LCORL: variants seen among roughly 807,000 people sequenced by gnomAD.
The protein encoded by LCORL is ligand dependent nuclear receptor corepressor like, also known as ligand-dependent nuclear receptor corepressor-like protein.
In LCORL, 41 loss-of-function variants were observed where a neutral mutation model predicts 141.8. The ratio of observed to expected loss-of-function variants is 0.29; its 90% confidence interval spans 0.23 to 0.38. The LOEUF is 0.38. Ranked by LOEUF, LCORL falls within the 10% of genes least tolerant of loss-of-function variation. The pLI, the probability that LCORL is intolerant of heterozygous loss-of-function variation, is 1.00. For missense variants in LCORL, 1,759 were observed against 2,035.0 expected (o/e 0.86, Z 2.61); for synonymous variants, 618 against 694.1 (o/e 0.89, Z 1.72).
chr4:17,882,180 TAC>T (rs1192984416), intron 6 of LCORL: 1 of 984,280 alleles, frequency 1.0e-6, no homozygotes, highest in Non-Finnish European at 1.2e-6. Flanking sequence ...GATTATTAAA[TAC>T]ACACAAACAC....
chr4:17,892,209 C>CTTTTTTTTT (rs1018422638), intron 5 of LCORL, among the ~76,000 whole-genome samples: 1 of 126,506 alleles, frequency 7.9e-6, no homozygotes, highest in Admixed American at 8.0e-5. Flanking sequence ...TTTTTTTTTT[C>CTTTTTTTTT]TTTTTTTTTT....
At chr4:17,900,743 G>A (rs993101000) in intron 5 of LCORL, among the ~76,000 whole-genome samples, 1 of 152,040 alleles carries the variant, frequency 6.6e-6, no homozygotes, top group Admixed American at 6.6e-5. Context: ...ATATTACACA[G>A]AAACAAAGAG....
At chr4:17,988,932 C>T (rs575011187) in intron 1 of LCORL, among the ~76,000 whole-genome samples, 107 of 152,232 alleles carry the variant, frequency 7.0e-4, no homozygotes, top group Middle Eastern at 6.8e-3. Flanking sequence ...TGCGGTGAGC[C>T]GAGATCACGC....
rs527438497 is a variant in LCORL, at chr4:17,939,994, A to G, written c.430+21909T>C. Among the ~76,000 whole-genome samples the G allele has an allele frequency of 2.0e-5, 3 of 150,190 alleles. No individual in the cohort carries two copies. The South Asian group carries it at 6.3e-4, about 31-fold the overall frequency. ...CACTATATGCATGTACTATATATGC[A>G]TATATACACTATATGGTATATATGC... On this transcript the variant is annotated intron_variant, in intron 4 of 7. Transcript: ENST00000635767.
At chr4:17,877,121 A>C (rs755813240) in exon 7 of LCORL, 168 of 1,230,802 alleles carry the variant, frequency 1.4e-4, no homozygotes, top group Admixed American at 3.8e-4. Flanking sequence ...ACTGCCTTCT[A>C]AACATGGGTG....
intron 1 of LCORL, among the ~76,000 whole-genome samples, chr4:17,980,407 T>C (rs1717754112): frequency 6.6e-6 from 1 of 152,204 alleles, no homozygotes; most frequent in African/African-American, 2.4e-5. Flanking sequence ...AGCATAACTC[T>C]TTGATGTCAC....
chr4:17,875,286 C>T, exon 7 of LCORL: 7 of 1,231,374 alleles, frequency 5.7e-6, no homozygotes, highest in Non-Finnish European at 7.1e-6. Flanking sequence ...CTGATTTGGT[C>T]GAATAATGTT....
rs114419758 is a variant in LCORL at position 17,860,533 on chromosome 4, T to G, written c.5602+12855A>C. Among the ~76,000 whole-genome samples, 697 of 152,242 alleles carry G rather than the reference T, an allele frequency of 4.6e-3. 2 individuals are homozygous for G. Among genetic ancestry groups the G allele is most frequent in the African/African-American group, 0.016 (661 of 41,548 alleles). The stretch of plus-strand genomic sequence containing the variant: ...AACACATGGGAATTCAAGATAAGAT[T>G]TGAATGGGGACACAGCTAAACCATA... On this transcript the variant is annotated intron_variant, in intron 7 of 7. Transcript: ENST00000635767.
intron 1 of LCORL, among the ~76,000 whole-genome samples, chr4:17,990,594 A>C (rs1240115408): frequency 2.0e-5 from 3 of 150,492 alleles, no homozygotes; most frequent in Admixed American, 2.0e-4. Context: ...GGTAAACTTC[A>C]TTATTAATGA....
At chr4:17,851,871 A>AC (rs1723762454) in intron 7 of LCORL, among the ~76,000 whole-genome samples, 1 of 152,220 alleles carries the variant, frequency 6.6e-6, no homozygotes, top group African/African-American at 2.4e-5. Flanking sequence ...ATCTGATGTT[A>AC]AAAAGTGGCA....
At chr4:18,002,806 T>C (rs1266024366) in intron 1 of LCORL, among the ~76,000 whole-genome samples, 3 of 152,192 alleles carry the variant, frequency 2.0e-5, no homozygotes, top group African/African-American at 4.8e-5. Flanking sequence ...TATATTCTCT[T>C]GGGAAGGTAT....
At chr4:17,844,530 A>C (rs1346061747) in exon 8 of LCORL, 1 of 152,462 alleles carries the variant, frequency 6.6e-6, no homozygotes, top group Non-Finnish European at 1.5e-5. Flanking sequence ...CAAAGTTTCA[A>C]AGCAAGATAG....
intron 5 of LCORL, among the ~76,000 whole-genome samples, chr4:17,897,020 C>T (rs1349391507): frequency 6.6e-6 from 1 of 152,016 alleles, no homozygotes; most frequent in Non-Finnish European, 1.5e-5. Flanking sequence ...ACCTCCAGTT[C>T]CATCCATCTT....
intron 6 of LCORL, chr4:17,881,411 T>C (rs1277457932): frequency 2.1e-6 from 2 of 954,728 alleles, no homozygotes; most frequent in Non-Finnish European, 2.5e-6. Context: ...AACTCAATAA[T>C]AGAAATGTTT....
At chr4:17,933,472 T>C (rs1422361889) in intron 4 of LCORL, among the ~76,000 whole-genome samples, 2 of 152,118 alleles carry the variant, frequency 1.3e-5, no homozygotes, top group Non-Finnish European at 2.9e-5. Flanking sequence ...TGAAATTAAG[T>C]CTTTATTTCT....
intron 1 of LCORL, among the ~76,000 whole-genome samples, chr4:18,014,823 C>G (rs767106578): frequency 7.9e-5 from 12 of 152,170 alleles, no homozygotes; most frequent in Non-Finnish European, 7.4e-5. Flanking sequence ...TTCACATTCT[C>G]TTATCTAGAT....
At chr4:17,854,479 C>T (rs1459463828) in intron 7 of LCORL, among the ~76,000 whole-genome samples, 1 of 152,020 alleles carries the variant, frequency 6.6e-6, no homozygotes, top group Admixed American at 6.6e-5. Context: ...TTAGGTTATT[C>T]CTGTAATTCT....
In LCORL at chr4:17,881,859, G is replaced by A. The variant is rs987996873; in HGVS notation, c.777-3646C>T. 3 of 983,656 alleles carry A rather than the reference G, an allele frequency of 3.0e-6. No homozygotes were observed. In the African/African-American group the frequency reaches 5.3e-5, roughly 17 times the overall value. 60.9% of individuals were successfully genotyped at this position (983,656 alleles called of 1,614,324 possible). A position where few individuals can be genotyped will look rare whatever the true frequency, so the allele number is the denominator to read the frequency against. On this transcript the variant is annotated intron_variant, in intron 6 of 7. Coordinates refer to ENST00000635767, the Ensembl canonical transcript of LCORL. The stretch of plus-strand genomic sequence containing the variant: ...TTAACTTTGCTTTCCATTGGGGGAA[G>A]GGGGAAATATACTAAATAATGCAAG...
At chr4:17,920,377 C>T (rs529097929) in intron 4 of LCORL, among the ~76,000 whole-genome samples, 1 of 152,242 alleles carries the variant, frequency 6.6e-6, no homozygotes, top group African/African-American at 2.4e-5. Flanking sequence ...TTAAGAATAC[C>T]TTATTGTTAA....
Sources: allele counts gnomAD v4.1 joint callset (sites outside exome capture counted in the v4.1 genomes callset), GRCh38; gene constraint gnomAD v4.1.1; transcripts MANE v1.5; gene names NCBI Gene and HGNC (gene_info 2026-07-23, HGNC 2026-07-21).